SFI1: variants seen among roughly 807,000 people sequenced by gnomAD.
SFI1 encodes SFI1 centrin binding protein.
SFI1 carries 195 observed loss-of-function variants against 207.5 expected under a neutral mutation model. The ratio of observed to expected loss-of-function variants is 0.94; its 90% CI spans 0.84 to 1.06. The LOEUF is 1.06. Ranked by LOEUF, SFI1 falls within the 50% of genes least tolerant of loss-of-function variation. The probability of loss-of-function intolerance (pLI) is 0.00; values close to 1 mark genes in which losing one functional copy is unlikely to be tolerated. For missense variants in SFI1, 1,634 were observed against 1,588.0 expected (o/e 1.03, Z -0.49); for synonymous variants, 630 against 598.9 (o/e 1.05, Z -0.76).
intron 27 of SFI1, 25 bp from the exon 28 acceptor site, chr22:31,614,764 G>C (rs1281088642): frequency 2.5e-6 from 4 of 1,613,376 alleles, no homozygotes. Flanking sequence ...CAGCCCAGGG[G>C]AACAGACCCC....
intron 3 of SFI1, 185 bp from the exon 4 acceptor site, chr22:31,530,873 T>G (rs567784244): frequency 2.4e-5 from 14 of 583,382 alleles, no homozygotes; most frequent in South Asian, 1.9e-4. Context: ...CTGCTTGATT[T>G]TAGCTTTATA....
At chr22:31,520,703 A>G (rs949968122) in intron 2 of SFI1, among the ~76,000 whole-genome samples, 1 of 152,000 alleles carries the variant, frequency 6.6e-6, no homozygotes, top group African/African-American at 2.4e-5. Context: ...ATCAAAATCC[A>G]CTACTTCCAT....
At chr22:31,599,975 A>T (rs1274586512) in intron 15 of SFI1, among the ~76,000 whole-genome samples, 2 of 151,220 alleles carry the variant, frequency 1.3e-5, no homozygotes, top group African/African-American at 4.9e-5. Flanking sequence ...CTCCTGCCTC[A>T]GCCTTTCAAA....
Position 31,618,216 on chromosome 22 carries a change from A to G in SFI1, c.3614A>G (p.Glu1205Gly), listed in dbSNP as rs924947699. The G allele has an allele frequency of 1.9e-6, 3 of 1,596,212 alleles. No individual in the cohort carries two copies. Among genetic ancestry groups the G allele is most frequent in the African/African-American group, 2.7e-5 (2 of 74,814 alleles). ...DQEVEQQVQK[E>G]LEQVEMQIQL... ...GAAGTAGAGCAGCAGGTGCAGAAAG[A>G]GCTGGAACAGGTGAGGCCCCAGGCC... Residue 1205 changes from glutamate (E) to glycine (G), a missense_variant, in exon 32 of 33, where the codon GAG (glutamate) becomes GGG (glycine). Coordinates refer to ENST00000400288, the MANE Select transcript of SFI1 (RefSeq NM_001007467.3).
rs1476858270 is a variant in SFI1, at chr22:31,528,875, A to G, written c.266+12A>G. ...GAACTGCGCATCAGGTGAGCTTATG[A>G]GTGGCCACCAGTCTATGGGTACTTT... is the stretch of plus-strand genomic sequence containing the variant. On this transcript the variant is annotated intron_variant, in intron 3 of 32. Transcript: ENST00000400288. 1.4e-5 allele frequency: 22 copies of G among 1,605,474 alleles called. No individual in the cohort carries two copies. Among genetic ancestry groups the G allele is most frequent in the Non-Finnish European group, 1.8e-5 (21 of 1,174,288 alleles).
At chr22:31,544,369 A>G (rs1255517848) in intron 4 of SFI1, among the ~76,000 whole-genome samples, 2 of 152,074 alleles carry the variant, frequency 1.3e-5, no homozygotes, top group African/African-American at 2.4e-5. Flanking sequence ...GCATTTACTT[A>G]TTTTATAAGT....
At chr22:31,500,592 G>C (rs1032543800) in intron 1 of SFI1, among the ~76,000 whole-genome samples, 2 of 151,862 alleles carry the variant, frequency 1.3e-5, no homozygotes, top group African/African-American at 4.8e-5. Flanking sequence ...TGAGTAGCTG[G>C]AATTACAGGC....
chr22:31,522,116 C>T lies in SFI1; in HGVS notation c.93-6574C>T, dbSNP rs570467393. Among the ~76,000 whole-genome samples, 8 of 128,878 alleles carry T rather than the reference C, an allele frequency of 6.2e-5. No individual in the cohort carries two copies. The South Asian group carries it at 1.0e-3, about 16-fold the overall frequency. The allele number at this position is 128,878 out of a possible 152,430, so 84.5% of individuals were successfully genotyped here. On this transcript the variant is annotated intron_variant, in intron 2 of 32. Coordinates refer to ENST00000400288, the MANE Select transcript of SFI1 (RefSeq NM_001007467.3). ...GGACTTTTGCTCTGTCGCCCAGGCTCGAGTGCAGTGGCACAATCTCTGCTC... is the reference window on the plus strand; with the variant it reads ...GGACTTTTGCTCTGTCGCCCAGGCTTGAGTGCAGTGGCACAATCTCTGCTC...
At chr22:31,585,468 T>C (rs1458611382) in intron 14 of SFI1, among the ~76,000 whole-genome samples, 1 of 152,058 alleles carries the variant, frequency 6.6e-6, no homozygotes, top group Non-Finnish European at 1.5e-5. Flanking sequence ...CAGGGAGAGG[T>C]GCAGAGCATA....
At position 31,610,680 on chromosome 22, in the gene SFI1, G is replaced by A. The variant is rs930132465; in HGVS notation, c.2255-463G>A. On this transcript the variant is annotated intron_variant, in intron 22 of 32. Coordinates refer to ENST00000400288, the MANE Select transcript of SFI1 (RefSeq NM_001007467.3). The stretch of plus-strand genomic sequence containing the variant: ...GCGACCAGCGCTGTCCTCCCCATCC[G>A]TGGCTTGGGCTGCTCTGACTGCTGT... 5.9e-5 allele frequency among the ~76,000 whole-genome samples: 9 copies of A among 152,364 alleles called. No homozygotes were observed. In the East Asian group the frequency reaches 1.2e-3, roughly 20 times the overall value.
At position 31,604,729 on chromosome 22, in the gene SFI1, A is replaced by G; in HGVS notation, c.1978-140A>G. 4 of 699,034 alleles carry G rather than the reference A, an allele frequency of 5.7e-6. No individual in the cohort carries two copies. In the East Asian group the frequency reaches 1.2e-4, roughly 21 times the overall value. 43.3% of individuals were successfully genotyped at this position (699,034 alleles called of 1,614,324 possible). ...TCTGGGAGGGTCTGCTGGCCCTGGGACCAGGGGCTGTTGGCCTCTTCCTAC... is the reference window on the plus strand; with the variant it reads ...TCTGGGAGGGTCTGCTGGCCCTGGGGCCAGGGGCTGTTGGCCTCTTCCTAC... On this transcript the variant is annotated intron_variant, in intron 19 of 32. Transcript: ENST00000400288.
At chr22:31,512,687 T>C (rs1056507329) in intron 2 of SFI1, among the ~76,000 whole-genome samples, 1 of 140,530 alleles carries the variant, frequency 7.1e-6, no homozygotes, top group Non-Finnish European at 1.6e-5. Context: ...CCAGCTAATA[T>C]TTGTATTTTT....
intron 7 of SFI1, chr22:31,560,028 AT>A: frequency 3.4e-6 from 1 of 290,020 alleles, no homozygotes; most frequent in South Asian, 4.0e-5. Context: ...TTGGTACTGT[AT>A]TGATGCTGGG....
chr22:31,576,508 A>G (rs1377269117), intron 10 of SFI1, among the ~76,000 whole-genome samples: 3 of 151,450 alleles, frequency 2.0e-5, no homozygotes, highest in African/African-American at 7.3e-5. Context: ...TTTAGTAGAC[A>G]TGGGGTTTCT....
At chr22:31,515,544 C>CTGTG (rs34222417) in intron 2 of SFI1, among the ~76,000 whole-genome samples, 27 of 146,480 alleles carry the variant, frequency 1.8e-4, no homozygotes, top group African/African-American at 5.6e-4. Flanking sequence ...GTGCCTGGCT[C>CTGTG]TGTGTGTGTG....
chr22:31,563,836 CT>C (rs964153060), intron 8 of SFI1, among the ~76,000 whole-genome samples: 1 of 151,986 alleles, frequency 6.6e-6, no homozygotes, highest in Admixed American at 6.6e-5. Flanking sequence ...CCACCTGCCC[CT>C]CGGCCTCCCA....
chr22:31,614,917 G>A (rs1277704644), intron 28 of SFI1, 57 bp downstream of exon 28: 3 of 1,596,898 alleles, frequency 1.9e-6, no homozygotes, highest in Non-Finnish European at 2.6e-6. Flanking sequence ...GGTCCCCAAA[G>A]GCAGCGGGCA....
intron 1 of SFI1, among the ~76,000 whole-genome samples, chr22:31,507,959 C>A (rs2054883059): frequency 1.3e-5 from 2 of 151,954 alleles, no homozygotes; most frequent in Non-Finnish European, 2.9e-5. Flanking sequence ...ACCTGTAATC[C>A]CAGCTACTTG....
chr22:31,514,334 T>C (rs953788598), intron 2 of SFI1, among the ~76,000 whole-genome samples: 1 of 150,750 alleles, frequency 6.6e-6, no homozygotes, highest in African/African-American at 2.4e-5. Flanking sequence ...TGAAACCCTG[T>C]CTCTACTAAA....
Sources: gnomAD v4.1 joint callset for allele counts (sites outside exome capture counted in the v4.1 genomes callset) on GRCh38, gnomAD v4.1.1 for gene constraint, MANE v1.5 for transcripts, NCBI Gene and HGNC (gene_info 2026-07-23, HGNC 2026-07-21) for gene names.